The following GAPVD1 variants were observed in gnomAD, a reference collection of about 807,000 sequenced individuals.
The protein encoded by GAPVD1 is GTPase activating protein and VPS9 domains 1.
GAPVD1 carries 35 observed loss-of-function variants against 155.5 expected under a neutral mutation model. The ratio of observed to expected loss-of-function variants is 0.23; its 90% CI spans 0.17 to 0.30. The LOEUF is 0.30. GAPVD1 is among the 10% of genes least tolerant of loss of function. The pLI is 1.00. For synonymous variants in GAPVD1, 636 were observed against 619.7 expected, an observed-to-expected ratio of 1.03 and a Z score of -0.39; for missense variants, 1,429 against 1,775.7, an observed-to-expected ratio of 0.80 and a Z score of 3.51.
At chr9:125,320,548 ATTTATTTACT>A (rs1420440824) in intron 9 of GAPVD1, among the ~76,000 whole-genome samples, 1 of 152,162 alleles carries the variant, frequency 6.6e-6, no homozygotes, top group Non-Finnish European at 1.5e-5. Flanking sequence ...TTCTAGTTGA[ATTTATTTACT>A]TTTATTTACT....
At chr9:125,289,374 T>C (rs935334037) in intron 2 of GAPVD1, among the ~76,000 whole-genome samples, 1 of 152,178 alleles carries the variant, frequency 6.6e-6, no homozygotes, top group Non-Finnish European at 1.5e-5. Flanking sequence ...TAGGAAACTA[T>C]TGCAGTAATC....
At chr9:125,345,096 G>C (rs1228500007) in intron 19 of GAPVD1, among the ~76,000 whole-genome samples, 2 of 151,840 alleles carry the variant, frequency 1.3e-5, no homozygotes, top group Non-Finnish European at 2.9e-5. Context: ...TGGAAACTGT[G>C]TATGTGAAAA....
In GAPVD1 at chr9:125,307,700, A is replaced by T; in HGVS notation, c.1261A>T (p.Met421Leu). ...TCTTTGCTTTTGCCAGGTGAATTTT[A>T]TGAAGAGTGTGATGTCTGGAGATCA... ...YSQLITLVNF[M>L]KSVMSGDQLR... The change falls in exon 8 of 28, where the codon ATG (methionine) becomes TTG (leucine). Residue 421 changes from methionine to leucine, a missense_variant. By Grantham distance (15) the Met-to-Leu change is conservative (BLOSUM62 2). Coordinates refer to ENST00000297933, the MANE Select transcript of GAPVD1 (RefSeq NM_001282680.3). 1 of 1,613,412 alleles carries T rather than the reference A, an allele frequency of 6.2e-7. No individual in the cohort carries two copies. The highest frequency in any genetic ancestry group is 8.5e-7 in the Non-Finnish European group (1 of 1,179,418).
chr9:125,334,378 G>A (rs537118392), intron 15 of GAPVD1, among the ~76,000 whole-genome samples: 1 of 151,124 alleles, frequency 6.6e-6, no homozygotes, highest in South Asian at 2.1e-4. Flanking sequence ...TTAATATTCT[G>A]TGTGAAGAAA....
intron 18 of GAPVD1, 161 bp from the exon 19 acceptor site, chr9:125,342,058 A>G: frequency 1.8e-6 from 1 of 551,372 alleles, no homozygotes; most frequent in Non-Finnish European, 3.2e-6. Context: ...TCCTTTAAAA[A>G]CCTTCATTAC....
chr9:125,353,407 T>C (rs575989379), intron 23 of GAPVD1, among the ~76,000 whole-genome samples: 2 of 152,328 alleles, frequency 1.3e-5, no homozygotes, highest in East Asian at 1.9e-4. Flanking sequence ...TTCCATACTT[T>C]CCCACATTTT....
intron 14 of GAPVD1, 60 bp from the exon 15 acceptor site, chr9:125,332,450 A>G: frequency 7.3e-7 from 1 of 1,364,952 alleles, no homozygotes; most frequent in East Asian, 2.3e-5. Flanking sequence ...AATTTCATAT[A>G]CTTTTTGTGT....
At chr9:125,300,710 G>C (rs1840726302) in intron 4 of GAPVD1, among the ~76,000 whole-genome samples, 1 of 152,002 alleles carries the variant, frequency 6.6e-6, no homozygotes, top group East Asian at 1.9e-4. Flanking sequence ...GTCTTAATCT[G>C]AGTGGTGATT....
At chr9:125,283,035 T>C (rs1415121188) in intron 2 of GAPVD1, among the ~76,000 whole-genome samples, 2 of 139,176 alleles carry the variant, frequency 1.4e-5, no homozygotes, top group South Asian at 2.1e-4. Flanking sequence ...TATTTTTATT[T>C]ATTTATTTAT....
rs182380233 is a variant in GAPVD1 at position 125,357,452 on chromosome 9, G to A, written c.3971+1595G>A. 3.3e-3 allele frequency among the ~76,000 whole-genome samples: 508 copies of A among 151,952 alleles called. 10 individuals are homozygous for A. Among genetic ancestry groups the A allele is most frequent in the Non-Finnish European group, 1.0e-3 (69 of 67,966 alleles). On this transcript the variant is annotated intron_variant, in intron 25 of 27. Transcript: ENST00000297933. ...AAATTAGCTGGGTGTGGTGGCATGC[G>A]TGTATAGTCCCAGCTGCTCAGGAGG... is the stretch of plus-strand genomic sequence containing the variant.
rs141299329 is a variant in GAPVD1, at chr9:125,290,165, C to T, written c.-149-5293C>T. 7.6e-3 allele frequency among the ~76,000 whole-genome samples: 1,163 copies of T among 152,082 alleles called. 5 individuals are homozygous for T. Among genetic ancestry groups the T allele is most frequent in the Non-Finnish European group, 0.011 (769 of 68,008 alleles). On this transcript the variant is annotated intron_variant, in intron 2 of 27. Coordinates refer to ENST00000297933, the MANE Select transcript of GAPVD1 (RefSeq NM_001282680.3). ...TTAGGAGTGGATGAGAGGCAAGACA[C>T]CTCTTTGAAAGAGTTTTGTTGTAAA...
intron 2 of GAPVD1, among the ~76,000 whole-genome samples, chr9:125,276,190 A>G (rs1835752598): frequency 6.6e-6 from 1 of 152,150 alleles, no homozygotes; most frequent in Non-Finnish European, 1.5e-5. Flanking sequence ...AATTCCTTGT[A>G]CTTGTGCCAG....
In GAPVD1 at chr9:125,265,069, C is replaced by A. The variant is rs952955201; in HGVS notation, c.-199+3110C>A. Among the ~76,000 whole-genome samples, 3 of 152,088 alleles carry A rather than the reference C, an allele frequency of 2.0e-5. No individual in the cohort carries two copies. In the South Asian group the frequency reaches 6.2e-4, roughly 32 times the overall value. ...AATTATTTCCCAGCACTATGTTGTG[C>A]TTTTGTGAGCATTTGGTTTCATATG... On this transcript the variant is annotated intron_variant, in intron 1 of 27. Transcript: ENST00000297933.
At position 125,332,488 on chromosome 9, in the gene GAPVD1, T is replaced by G. The variant is rs1272050525; in HGVS notation, c.2309-22T>G. ...ATATTTTGTTCTTCTTCCTGTTTAT[T>G]TTTTACTATTGTTTTTTAAAGGCAT... On this transcript the variant is annotated intron_variant, in intron 14 of 27. Coordinates refer to ENST00000297933, the MANE Select transcript of GAPVD1 (RefSeq NM_001282680.3). 2.6e-6 allele frequency: 4 copies of G among 1,545,474 alleles called. No homozygotes were observed. The East Asian group carries it at 9.0e-5, about 35-fold the overall frequency.
Position 125,337,057 on chromosome 9 carries a change from C to T in GAPVD1, c.2468C>T (p.Ser823Phe), listed in dbSNP as rs760818757. ...ACCTCTCCTCCTTCTCAGTCAGAGTCTCTGCTGGCCATGTTTGATCCACTG... is the reference window on the plus strand; with the variant it reads ...ACCTCTCCTCCTTCTCAGTCAGAGTTTCTGCTGGCCATGTTTGATCCACTG... ...QLTSPPSQSE[S>F]LLAMFDPLSS... The change falls in exon 16 of 28, where the codon TCT becomes TTT. Residue 823 changes from serine to phenylalanine, a missense_variant. By Grantham distance (155) the Ser-to-Phe change is radical. Around this residue, in one of 4 missense-constraint regions of GAPVD1, gnomAD observed 699 missense variants for 826.0 expected, o/e 0.85. Coordinates refer to ENST00000297933, the MANE Select transcript of GAPVD1 (RefSeq NM_001282680.3). The T allele has an allele frequency of 3.1e-6, 5 of 1,613,130 alleles. No homozygotes were observed. The South Asian group carries it at 4.4e-5, about 14-fold the overall frequency.
chr9:125,353,739 A>G (rs1849632191), intron 23 of GAPVD1, among the ~76,000 whole-genome samples: 1 of 152,234 alleles, frequency 6.6e-6, no homozygotes, highest in Non-Finnish European at 1.5e-5. Flanking sequence ...TAAAACAATC[A>G]GATCTCTTGA....
chr9:125,283,138 C>T (rs945486206), intron 2 of GAPVD1, among the ~76,000 whole-genome samples: 5 of 151,210 alleles, frequency 3.3e-5, no homozygotes, highest in Admixed American at 2.6e-4. Context: ...TGGCTCACCA[C>T]AGCCTCCGCC....
At chr9:125,326,631 A>T (rs911426033) in intron 12 of GAPVD1, 42 bp downstream of exon 12, 1 of 1,423,828 alleles carries the variant, frequency 7.0e-7, no homozygotes, top group Non-Finnish European at 9.9e-7. Flanking sequence ...CGGTTTAGTT[A>T]TTCAAATCCA....
At chr9:125,284,948 GA>G (rs1289806979) in intron 2 of GAPVD1, among the ~76,000 whole-genome samples, 1 of 152,212 alleles carries the variant, frequency 6.6e-6, no homozygotes, top group Non-Finnish European at 1.5e-5. Context: ...ATGGTTGACT[GA>G]AAGGTCTTTA....
Sources: gnomAD v4.1 joint callset for allele counts (sites outside exome capture counted in the v4.1 genomes callset) on GRCh38, gnomAD v4.1.1 for gene constraint, gnomAD v4.1.1 regional missense constraint, MANE v1.5 for transcripts, NCBI Gene and HGNC (gene_info 2026-07-23, HGNC 2026-07-21) for gene names.